The following COL16A1 variants were observed in gnomAD, a reference collection of about 807,000 sequenced individuals.
The protein encoded by COL16A1 is collagen alpha-1(XVI) chain.
A neutral mutation model predicts 266.3 loss-of-function variants in COL16A1; 189 were observed. The ratio of observed to expected loss-of-function variants is 0.71; its 90% CI spans 0.63 to 0.80. The LOEUF (loss-of-function observed/expected upper bound fraction) is 0.80. Ranked by LOEUF, COL16A1 falls within the 30% of genes least tolerant of loss-of-function variation. The pLI, the probability that COL16A1 is intolerant of heterozygous loss-of-function variation, is 0.00. For synonymous variants in COL16A1, 740 were observed against 782.3 expected (o/e 0.95, Z 0.90); for missense variants, 1,928 against 2,122.4 (o/e 0.91, Z 1.80).
chr1:31,680,836 G>C, intron 39 of COL16A1, 69 bp downstream of exon 39: 1 of 1,612,316 alleles, frequency 6.2e-7, no homozygotes. Flanking sequence ...CAGAGTACGG[G>C]TCACAGGTGG....
In COL16A1 at chr1:31,655,486, G is replaced by T. The variant is rs1373050162; in HGVS notation, c.4118C>A (p.Ala1373Glu). ...CTCTCCTGCCTGGCCCTTCTGTCCT[G>T]CAGCTCCTGGATCACCCTACAAAGA... is the stretch of plus-strand genomic sequence containing the variant. ...PPGPKGDPGA[A>E]GQKGQAGEKG... is the part of the protein sequence containing the mutation. The change falls in exon 67 of 71, where the codon GCA becomes GAA. Residue 1373 changes from alanine (A) to glutamate (E), a missense_variant. Physicochemically the swap from Ala to Glu is moderately radical, Grantham distance 107 (BLOSUM62 -1). Around this residue, in one of 2 missense-constraint regions of COL16A1, gnomAD observed 376 missense variants for 485.2 expected, o/e 0.77. Coordinates refer to ENST00000373672, the MANE Select transcript of COL16A1 (RefSeq NM_001856.4). The T allele has an allele frequency of 3.1e-6, 5 of 1,613,912 alleles. No individual in the cohort carries two copies. Among genetic ancestry groups the T allele is most frequent in the Non-Finnish European group, 4.2e-6 (5 of 1,179,968 alleles).
Position 31,652,897 on chromosome 1 carries a change from T to C in COL16A1, c.4613-44A>G. On this transcript the variant is annotated intron_variant, in intron 70 of 70. Transcript: ENST00000373672. This position sits in a 1 kb window ranked among gnomAD's most constrained non-coding sequence, Gnocchi z 4.8. ...CAGAGGGAAAATCAGAAGACCCAGA[T>C]CATAAGGGAAAAGAAGCCATAATGG... 1 of 1,428,220 alleles carries C rather than the reference T, an allele frequency of 7.0e-7. No homozygotes were observed. Among genetic ancestry groups the C allele is most frequent in the Non-Finnish European group, 9.2e-7 (1 of 1,087,488 alleles). 88.5% of individuals were successfully genotyped at this position (1,428,220 alleles called of 1,614,324 possible). A position where few individuals can be genotyped will look rare whatever the true frequency, so the allele number is the denominator to read the frequency against.
Position 31,696,153 on chromosome 1 carries a change from G to A in COL16A1, c.865-12C>T, listed in dbSNP as rs200800666. 1.2e-3 allele frequency: 1,882 copies of A among 1,612,748 alleles called. 1 individual carries two copies. The highest frequency in any genetic ancestry group is 3.2e-3 in the Admixed American group (194 of 59,864). On this transcript the variant is annotated splice_polypyrimidine_tract_variant and intron_variant, in intron 8 of 70. Transcript: ENST00000373672. Reference sequence around the variant, plus strand: ...AGCTGGGCATCCACCTGGGCAGACAGAGCAAAGAGAAACCCTTGAGGAGGG... The same window carrying A: ...AGCTGGGCATCCACCTGGGCAGACAAAGCAAAGAGAAACCCTTGAGGAGGG...
intron 37 of COL16A1, among the ~76,000 whole-genome samples, chr1:31,682,267 C>T (rs986407067): frequency 1.3e-5 from 2 of 152,146 alleles, no homozygotes; most frequent in Admixed American, 6.5e-5. Context: ...TCTCTTAAAA[C>T]GTGGGAGCCA....
Position 31,660,505 on chromosome 1 carries a change from C to G in COL16A1, c.3879+80G>C. ...GCCCCTATGGCAAGTTCTCTCAGGT[C>G]ATGACAGCCTATGCACCACCAACCA... On this transcript the variant is annotated intron_variant, in intron 62 of 70. Coordinates refer to ENST00000373672, the MANE Select transcript of COL16A1 (RefSeq NM_001856.4). The G allele has an allele frequency of 1.9e-6, 3 of 1,576,292 alleles. No individual in the cohort carries two copies. The South Asian group carries it at 3.5e-5, about 18-fold the overall frequency.
chr1:31,661,765 A>C (rs1570371161), intron 58 of COL16A1, 61 bp from the exon 59 acceptor site: 1 of 1,532,820 alleles, frequency 6.5e-7, no homozygotes, highest in Non-Finnish European at 8.8e-7. Flanking sequence ...TCCAACTCAT[A>C]CCTCTGTCCT....
At chr1:31,692,906 G>T in intron 13 of COL16A1, 98 bp from the exon 14 acceptor site, 1 of 1,232,208 alleles carries the variant, frequency 8.1e-7, no homozygotes, top group Non-Finnish European at 1.2e-6. Flanking sequence ...ATAGTCCTAA[G>T]TATCCCTAGA....
intron 37 of COL16A1, among the ~76,000 whole-genome samples, chr1:31,681,957 C>A (rs564869889): frequency 9.3e-4 from 141 of 152,322 alleles, no homozygotes; most frequent in African/African-American, 3.1e-3. Flanking sequence ...TCAGTGAATC[C>A]CAAACTGGAA....
intron 51 of COL16A1, among the ~76,000 whole-genome samples, chr1:31,667,931 G>C (rs1458193186): frequency 1.3e-5 from 2 of 152,222 alleles, no homozygotes; most frequent in Admixed American, 1.3e-4. Flanking sequence ...CTGTGTCTGG[G>C]CCTGGCAGAG....
chr1:31,692,694 G>T (rs748799707), intron 14 of COL16A1, 52 bp from the exon 15 acceptor site: 1 of 1,612,996 alleles, frequency 6.2e-7, no homozygotes, highest in South Asian at 1.1e-5. Flanking sequence ...CTGATGGGCT[G>T]CCAAGCGCAC....
rs780780067 is a variant in COL16A1 at position 31,675,003 on chromosome 1, T to C, written c.2859+4A>G. 2.2e-4 allele frequency: 351 copies of C among 1,612,090 alleles called. No individual in the cohort carries two copies. The highest frequency in any genetic ancestry group is 2.9e-4 in the Non-Finnish European group (343 of 1,179,080). ...TCACACTTCCCTCCTGGGTACCCTC[T>C]TACCTTAAGGAGGTGCTGTTCAATT... On this transcript the variant is annotated splice_donor_region_variant and intron_variant, in intron 44 of 70. Transcript: ENST00000373672.
chr1:31,697,962 T>C lies in COL16A1; in HGVS notation c.601A>G (p.Arg201Gly). The change falls in exon 6 of 71, where the codon AGG (arginine) becomes GGG (glycine). Residue 201 changes from arginine (R) to glycine (G), a missense_variant. By Grantham distance (125) the Arg-to-Gly change is moderately radical. Around this residue, in one of 2 missense-constraint regions of COL16A1, gnomAD observed 1,552 missense variants for 1,637.2 expected, o/e 0.95. Coordinates refer to ENST00000373672, the MANE Select transcript of COL16A1 (RefSeq NM_001856.4). The surrounding 1 kb of genome is among the most constrained non-coding windows in gnomAD (Gnocchi z 4.2). ...SQPLGPRRPM[R>G]PVGHVFLGLD... ...CCTAGAAATACATGGCCCACAGGCC[T>C]CATGGGTCGTCGGGGCCCCAGAGGC... 6.2e-7 allele frequency: 1 copy of C among 1,612,522 alleles called. No homozygotes were observed. The highest frequency in any genetic ancestry group is 1.1e-5 in the South Asian group (1 of 91,058).
At position 31,684,859 on chromosome 1, in the gene COL16A1, G is replaced by A; in HGVS notation, c.2017-3C>T. ...AGTCCACGCTCTCCAGCCTTGCCCT[G>A]AGGAGAAAGCATTTCCAGCACCCGC... On this transcript the variant is annotated splice_polypyrimidine_tract_variant and splice_region_variant and intron_variant, in intron 29 of 70. Transcript: ENST00000373672. 3 of 1,613,844 alleles carry A rather than the reference G, an allele frequency of 1.9e-6. No individual in the cohort carries two copies. Among genetic ancestry groups the A allele is most frequent in the Non-Finnish European group, 2.5e-6 (3 of 1,180,004 alleles).
chr1:31,672,133 G>T (rs1049312737), intron 47 of COL16A1, among the ~76,000 whole-genome samples: 3 of 152,164 alleles, frequency 2.0e-5, no homozygotes, highest in African/African-American at 7.2e-5. Context: ...GGTGGTCAGG[G>T]GAGGTCTCTC....
intron 1 of COL16A1, 62 bp from the exon 2 acceptor site, chr1:31,702,289 G>A: frequency 6.4e-7 from 1 of 1,559,518 alleles, no homozygotes; most frequent in South Asian, 1.1e-5. Flanking sequence ...CTCCACACGT[G>A]GGCAAGTCGT....
chr1:31,652,847 T>C lies in COL16A1; in HGVS notation c.4619A>G (p.Gln1540Arg). ...ENGLPGPPGP[Q>R]GPPGYGKMGA... is the part of the protein sequence containing the mutation. ...CATCTTGCCATAGCCTGGAGGACCT[T>C]GAGGACCTAGGGAGGGAAGGGCCAC... The change falls in exon 71 of 71, where the codon CAA becomes CGA. Residue 1540 changes from glutamine (Q) to arginine (R), a missense_variant. Gln to Arg is a conservative substitution (Grantham distance 43). Transcript: ENST00000373672. The surrounding 1 kb of genome is among the most constrained non-coding windows in gnomAD (Gnocchi z 4.8). The C allele has an allele frequency of 6.6e-7, 1 of 1,524,034 alleles. No homozygotes were observed. Among genetic ancestry groups the C allele is most frequent in the Non-Finnish European group, 8.8e-7 (1 of 1,139,044 alleles). 94.4% of individuals were successfully genotyped at this position (1,524,034 alleles called of 1,614,324 possible).
intron 62 of COL16A1, 133 bp downstream of exon 62, chr1:31,660,452 T>A: frequency 8.8e-7 from 1 of 1,133,478 alleles, no homozygotes; most frequent in Non-Finnish European, 1.2e-6. Flanking sequence ...ACAGAAGGAG[T>A]GGCCCCCGTG....
rs1643742134 is a variant in COL16A1 at position 31,682,867 on chromosome 1, C to T, written c.2538+67G>A. 6.9e-6 allele frequency: 11 copies of T among 1,599,026 alleles called. No individual in the cohort carries two copies. The South Asian group carries it at 1.0e-4, about 15-fold the overall frequency. On this transcript the variant is annotated intron_variant, in intron 37 of 70. Coordinates refer to ENST00000373672, the MANE Select transcript of COL16A1 (RefSeq NM_001856.4). ...GGGATGGGCAGGGTCAGCCCTGTGC[C>T]CTCTTCCCAGCAGAAACATCCTTGG...
In COL16A1 at chr1:31,656,044, T is replaced by C. The variant is rs1641116106; in HGVS notation, c.4101+356A>G. 2.8e-6 allele frequency: 1 copy of C among 358,892 alleles called. No homozygotes were observed. Among genetic ancestry groups the C allele is most frequent in the South Asian group, 2.7e-5 (1 of 36,548 alleles). The allele number at this position is 358,892 out of a possible 1,614,324, so 22.2% of individuals were successfully genotyped here. A position where few individuals can be genotyped will look rare whatever the true frequency, so the allele number is the denominator to read the frequency against. ...TTCTGGAAAACTTGCCAATCCCTAG[T>C]GTAAGTGTGACTGGTCTATTGTGAG... On this transcript the variant is annotated intron_variant, in intron 66 of 70. Transcript: ENST00000373672. The surrounding 1 kb of genome is among the most constrained non-coding windows in gnomAD (Gnocchi z 4.2).
Sources: gnomAD v4.1 joint callset for allele counts (sites outside exome capture counted in the v4.1 genomes callset) on GRCh38, gnomAD v4.1.1 for gene constraint, gnomAD v4.1.1 regional missense constraint, Gnocchi (gnomAD v3.1) non-coding constraint, MANE v1.5 for transcripts, NCBI Gene and HGNC (gene_info 2026-07-23, HGNC 2026-07-21) for gene names.